The following TRIQK variants were observed in gnomAD, a reference collection of about 807,000 sequenced individuals.
The protein encoded by TRIQK is triple QxxK/R motif containing, also known as triple QxxK/R motif-containing protein.
Under a neutral mutation model 10.8 loss-of-function variants are expected in TRIQK, and 10 were observed. That is an observed-to-expected ratio of 0.92 (90% confidence interval 0.57 to 1.57). The LOEUF (loss-of-function observed/expected upper bound fraction) is 1.57, where lower values mean the gene tolerates loss of function less well. Among genes scored for constraint, TRIQK ranks in the 40% most tolerant of loss-of-function variants. The pLI is 0.00. For synonymous variants in TRIQK, 33 were observed against 33.7 expected, an observed-to-expected ratio of 0.98 and a Z score of 0.07; for missense variants, 107 against 97.7, an observed-to-expected ratio of 1.09 and a Z score of -0.40.
chr8:92,957,870 A>G (rs1446784961), intron 1 of TRIQK, among the ~76,000 whole-genome samples: 2 of 151,942 alleles, frequency 1.3e-5, no homozygotes, highest in African/African-American at 4.8e-5. Flanking sequence ...TAGGGTAACT[A>G]GGGGATTGTT....
intron 3 of TRIQK, among the ~76,000 whole-genome samples, chr8:92,892,754 G>A (rs1816828420): frequency 6.6e-6 from 1 of 151,826 alleles, no homozygotes; most frequent in Non-Finnish European, 1.5e-5. Context: ...CTGAGTTAGT[G>A]CCACAAAATT....
At chr8:92,979,690 T>C (rs1812966898) in intron 1 of TRIQK, among the ~76,000 whole-genome samples, 1 of 152,104 alleles carries the variant, frequency 6.6e-6, no homozygotes, top group Non-Finnish European at 1.5e-5. Flanking sequence ...TCAAATATTA[T>C]AGTTTTATAG....
intron 1 of TRIQK, among the ~76,000 whole-genome samples, chr8:93,009,919 C>A (rs57728114): frequency 0.13 from 19,746 of 151,456 alleles, 1,316 homozygotes; most frequent in East Asian, 0.19. Flanking sequence ...TGTAGATATA[C>A]AATGGTATAC....
chr8:92,953,247 G>C (rs1361919818), intron 2 of TRIQK, among the ~76,000 whole-genome samples: 2 of 151,962 alleles, frequency 1.3e-5, no homozygotes, highest in East Asian at 3.9e-4. Flanking sequence ...CTCATAGTAA[G>C]TAGTTAAAAC....
intron 4 of TRIQK, among the ~76,000 whole-genome samples, chr8:92,890,639 C>G (rs536214120): frequency 1.3e-5 from 2 of 151,884 alleles, no homozygotes; most frequent in South Asian, 4.2e-4. Context: ...AAATAAATAG[C>G]TGCACTATTT....
At chr8:92,991,544 A>G (rs1476208190) in intron 1 of TRIQK, among the ~76,000 whole-genome samples, 1 of 152,172 alleles carries the variant, frequency 6.6e-6, no homozygotes, top group African/African-American at 2.4e-5. Flanking sequence ...CCCACAGCCA[A>G]TATCATACTG....
chr8:92,929,412 T>G (rs2130540468), intron 2 of TRIQK: 1 of 152,280 alleles, frequency 6.6e-6, no homozygotes, highest in South Asian at 2.1e-4. Flanking sequence ...CCTAATAGAA[T>G]TAATTAATCT....
chr8:92,907,980 T>C (rs1455165525), intron 3 of TRIQK, among the ~76,000 whole-genome samples: 1 of 152,268 alleles, frequency 6.6e-6, no homozygotes, highest in East Asian at 1.9e-4. Flanking sequence ...CATTTATATG[T>C]TCTAAAAAGT....
intron 2 of TRIQK, among the ~76,000 whole-genome samples, chr8:92,930,445 A>G (rs1810661956): frequency 6.6e-6 from 1 of 151,884 alleles, no homozygotes; most frequent in Non-Finnish European, 1.5e-5. Context: ...CAAACAAATG[A>G]AACTGCAGAC....
chr8:92,974,615 T>G (rs184818176), intron 1 of TRIQK: 25 of 152,334 alleles, frequency 1.6e-4, no homozygotes, highest in African/African-American at 5.8e-4. Context: ...TCTCAAAGAC[T>G]GAACCATAAG....
intron 2 of TRIQK, among the ~76,000 whole-genome samples, chr8:92,931,513 T>A (rs548189844): frequency 6.6e-6 from 1 of 152,292 alleles, no homozygotes; most frequent in Admixed American, 6.5e-5. Context: ...CTGTTTCATG[T>A]AAAGTTTGGG....
At chr8:92,902,223 G>A (rs1034548795) in intron 3 of TRIQK, among the ~76,000 whole-genome samples, 4 of 152,154 alleles carry the variant, frequency 2.6e-5, no homozygotes, top group African/African-American at 4.8e-5. Flanking sequence ...ATTTTAGTCC[G>A]TGGTGATGAC....
At chr8:92,912,577 T>A (rs1563627096) in intron 3 of TRIQK, among the ~76,000 whole-genome samples, 1 of 151,492 alleles carries the variant, frequency 6.6e-6, no homozygotes. Context: ...CTGGCAGAAA[T>A]AAATGAAATA....
At chr8:92,931,417 T>C (rs1810718471) in intron 2 of TRIQK, among the ~76,000 whole-genome samples, 3 of 152,092 alleles carry the variant, frequency 2.0e-5, no homozygotes, top group Non-Finnish European at 4.4e-5. Context: ...GCTCTGTCAA[T>C]CTAAGAGGGG....
rs768275179 is a variant in TRIQK at position 92,892,021 on chromosome 8, C to T, written c.115G>A (p.Ala39Thr). Residue 39 changes from alanine (A) to threonine (T), a missense_variant, in exon 4 of 5, where the codon GCA (alanine) becomes ACA (threonine). Physicochemically the swap from Ala to Thr is moderately conservative, Grantham distance 58 (BLOSUM62 0). Transcript: ENST00000521988. ...KPILRATKLK[A>T]EAKKTAIGIK... Reference sequence around the variant, plus strand: ...CCTATTGCTGTTTTCTTTGCTTCTGCTTTTAATTTGGTTGCTCGTAAAATA... The same window carrying T: ...CCTATTGCTGTTTTCTTTGCTTCTGTTTTTAATTTGGTTGCTCGTAAAATA... The T allele has an allele frequency of 9.1e-6, 14 of 1,533,482 alleles. No individual in the cohort carries two copies. Among genetic ancestry groups the T allele is most frequent in the Non-Finnish European group, 1.2e-5 (14 of 1,144,426 alleles). The allele number at this position is 1,533,482 out of a possible 1,614,324, so 95.0% of individuals were successfully genotyped here. A position where few individuals can be genotyped will look rare whatever the true frequency, so the allele number is the denominator to read the frequency against.
intron 1 of TRIQK, among the ~76,000 whole-genome samples, chr8:92,992,749 G>T (rs1813108673): frequency 6.6e-6 from 1 of 152,160 alleles, no homozygotes; most frequent in Non-Finnish European, 1.5e-5. Flanking sequence ...GTTGAGTGGG[G>T]TCTGCTGAAA....
At chr8:93,006,167 G>A (rs563358570) in intron 1 of TRIQK, among the ~76,000 whole-genome samples, 68 of 152,224 alleles carry the variant, frequency 4.5e-4, no homozygotes, top group African/African-American at 1.6e-3. Context: ...TGTGGGGAGG[G>A]GCCAAAATGG....
intron 1 of TRIQK, among the ~76,000 whole-genome samples, chr8:93,011,205 C>T (rs766379080): frequency 0.11 from 13,458 of 121,144 alleles, 882 homozygotes; most frequent in African/African-American, 0.2. Context: ...CACACACACA[C>T]ATATATATAT....
intron 1 of TRIQK, chr8:92,964,746 ATTACT>A (rs1323363242): frequency 2.0e-5 from 3 of 152,106 alleles, no homozygotes; most frequent in African/African-American, 7.2e-5. Context: ...TGTGTGGATC[ATTACT>A]TTAATGATAC....
Sources: gnomAD v4.1 joint callset for allele counts (sites outside exome capture counted in the v4.1 genomes callset) on GRCh38, gnomAD v4.1.1 for gene constraint, MANE v1.5 for transcripts, NCBI Gene and HGNC (gene_info 2026-07-23, HGNC 2026-07-21) for gene names.